PANK2: variants seen among roughly 807,000 people sequenced by gnomAD.
PANK2 encodes pantothenate kinase 2.
A neutral mutation model predicts 43.1 loss-of-function variants in PANK2; 36 were observed. The ratio of observed to expected loss-of-function variants is 0.84; its 90% CI spans 0.64 to 1.10. The LOEUF (loss-of-function observed/expected upper bound fraction) is 1.10. Ranked by LOEUF, PANK2 falls within the 50% of genes least tolerant of loss-of-function variation. PANK2 has a pLI of 0.00. For synonymous variants in PANK2, 281 were observed against 238.2 expected, an observed-to-expected ratio of 1.18 and a Z score of -1.66; for missense variants, 576 against 593.3, an observed-to-expected ratio of 0.97 and a Z score of 0.30.
At chr20:3,902,401 C>A (rs1337416281) in intron 1 of PANK2, among the ~76,000 whole-genome samples, 1 of 151,728 alleles carries the variant, frequency 6.6e-6, no homozygotes, top group Non-Finnish European at 1.5e-5. Context: ...ACAATCTTGG[C>A]TCACTGCGAC....
At chr20:3,894,192 A>G (rs1227145208) in intron 1 of PANK2, among the ~76,000 whole-genome samples, 5 of 151,514 alleles carry the variant, frequency 3.3e-5, no homozygotes, top group African/African-American at 1.2e-4. Context: ...CAGCCTCCCA[A>G]AGTGCTGGGA....
At chr20:3,908,302 C>A (rs986364057) in intron 2 of PANK2, 24 bp downstream of exon 2, 30 of 1,538,332 alleles carry the variant, frequency 2.0e-5, no homozygotes, top group Non-Finnish European at 2.5e-5. Flanking sequence ...AGCTTATATA[C>A]AATTTATGGT....
chr20:3,905,392 C>G (rs904568396), intron 1 of PANK2, among the ~76,000 whole-genome samples: 1 of 150,476 alleles, frequency 6.6e-6, no homozygotes, highest in Non-Finnish European at 1.5e-5. Flanking sequence ...GCTCTGTCAC[C>G]TAGGCTGGAG....
intron 1 of PANK2, among the ~76,000 whole-genome samples, chr20:3,892,322 T>G (rs1355668702): frequency 7.0e-6 from 1 of 142,310 alleles, no homozygotes; most frequent in Non-Finnish European, 1.5e-5. Context: ...GCAGCCTGTA[T>G]GATACAGTGA....
intron 4 of PANK2, among the ~76,000 whole-genome samples, chr20:3,913,200 A>T (rs6139235): frequency 6.6e-6 from 1 of 151,366 alleles, no homozygotes; most frequent in Non-Finnish European, 1.5e-5. Flanking sequence ...TTTATTTTCA[A>T]TGTAGGTTTG....
At chr20:3,899,820 G>A (rs540797318) in intron 1 of PANK2, among the ~76,000 whole-genome samples, 7 of 147,596 alleles carry the variant, frequency 4.7e-5, no homozygotes, top group Middle Eastern at 3.6e-3. Flanking sequence ...CCATTCTCCT[G>A]CCTCAGCCTC....
At chr20:3,896,686 A>G (rs2090215073) in intron 1 of PANK2, among the ~76,000 whole-genome samples, 1 of 152,104 alleles carries the variant, frequency 6.6e-6, no homozygotes, top group African/African-American at 2.4e-5. Context: ...GCCTCCATTA[A>G]AAACCCAGGA....
upstream of PANK2, chr20:3,889,317 C>T: frequency 6.3e-7 from 1 of 1,593,724 alleles, no homozygotes; most frequent in South Asian, 1.1e-5. Context: ...TGGGCCGTCC[C>T]CAGCCTCGTC....
intron 3 of PANK2, among the ~76,000 whole-genome samples, chr20:3,912,168 C>G (rs1002972216): frequency 3.4e-4 from 52 of 152,040 alleles, no homozygotes; most frequent in African/African-American, 1.2e-3. Context: ...TTAGCATGGC[C>G]CCAGGCGTGT....
chr20:3,889,022 A>G (rs2090059929), upstream of PANK2: 15 of 1,172,500 alleles, frequency 1.3e-5, no homozygotes, highest in Non-Finnish European at 2.3e-6. Context: ...GCGGGGTGGG[A>G]CTCGGGGTCG....
In PANK2 at chr20:3,916,979, C is replaced by A; in HGVS notation, c.1135C>A (p.Leu379Met). 6.2e-7 allele frequency: 1 copy of A among 1,614,060 alleles called. No homozygotes were observed. The highest frequency in any genetic ancestry group is 1.1e-5 in the South Asian group (1 of 91,082). ...GCGAGAGGCTGTCAGTAAAGAGGAC[C>A]TGGCCAGAGCGACTTTGATCACCAT... Residue 379 changes from leucine (L) to methionine (M), a missense_variant, in exon 5 of 7, where the codon CTG becomes ATG. This residue lies in a region of PANK2 where 544 missense variants were observed against 528.9 expected (regional missense o/e 1.03). Coordinates refer to ENST00000610179, the MANE Select transcript of PANK2 (RefSeq NM_001386393.1).
At chr20:3,894,427 A>G (rs973424908) in intron 1 of PANK2, among the ~76,000 whole-genome samples, 3 of 149,960 alleles carry the variant, frequency 2.0e-5, no homozygotes, top group African/African-American at 4.9e-5. Flanking sequence ...TTTAGTAGAG[A>G]CAAGGTTTCT....
upstream of PANK2, chr20:3,889,324 C>T (rs868266056): frequency 6.3e-6 from 10 of 1,590,792 alleles, no homozygotes; most frequent in Middle Eastern, 5.0e-4. Context: ...TCCCCAGCCT[C>T]GTCGGATTGG....
chr20:3,895,929 A>G lies in PANK2; in HGVS notation c.298+6201A>G, dbSNP rs1391645955. On this transcript the variant is annotated intron_variant, in intron 1 of 6. Coordinates refer to ENST00000610179, the MANE Select transcript of PANK2 (RefSeq NM_001386393.1). ...AATAATTATTAAAGTACCTCTTTCAATGTTAGGCCAAGATATTGCTTTCCT... is the reference window on the plus strand; with the variant it reads ...AATAATTATTAAAGTACCTCTTTCAGTGTTAGGCCAAGATATTGCTTTCCT... Among the ~76,000 whole-genome samples, 9 of 152,324 alleles carry G rather than the reference A, an allele frequency of 5.9e-5. No individual in the cohort carries two copies. The East Asian group carries it at 7.7e-4, about 13-fold the overall frequency.
At chr20:3,905,151 A>G (rs73574276) in intron 1 of PANK2, among the ~76,000 whole-genome samples, 2 of 105,812 alleles carry the variant, frequency 1.9e-5, no homozygotes, top group African/African-American at 3.1e-5. Flanking sequence ...ACATTTCCCC[A>G]CCATCGCTTG....
chr20:3,889,835 C>G (rs1313668304), intron 1 of PANK2, 107 bp downstream of exon 1: 4 of 1,537,012 alleles, frequency 2.6e-6, no homozygotes, highest in South Asian at 2.4e-5. Context: ...GACACTGTCC[C>G]CGCACGGTGG....
At position 3,918,812 on chromosome 20, in the gene PANK2, C is replaced by A. The variant is rs142997448; in HGVS notation, c.1332+16C>A. 443 of 1,614,022 alleles carry A rather than the reference C, an allele frequency of 2.7e-4. 4 individuals are homozygous for A. In the African/African-American group the frequency reaches 5.1e-3, roughly 19 times the overall value. ...GGAACACGAGGTAAGCTGACTTGTT[C>A]GTTGTGGTATATTATGTACACAGAG... On this transcript the variant is annotated intron_variant, in intron 6 of 6. Transcript: ENST00000610179.
intron 1 of PANK2, among the ~76,000 whole-genome samples, chr20:3,900,683 T>C (rs2090286639): frequency 6.6e-6 from 1 of 152,030 alleles, no homozygotes; most frequent in Non-Finnish European, 1.5e-5. Context: ...CTCACAGAAT[T>C]TCCTCTTCAG....
intron 1 of PANK2, chr20:3,889,971 C>G: frequency 6.7e-7 from 1 of 1,490,698 alleles, no homozygotes. Flanking sequence ...GGGCTTTTCC[C>G]CAGGACCTGT....
Sources: gnomAD v4.1 joint callset for allele counts (sites outside exome capture counted in the v4.1 genomes callset) on GRCh38, gnomAD v4.1.1 for gene constraint, gnomAD v4.1.1 regional missense constraint, MANE v1.5 for transcripts, NCBI Gene and HGNC (gene_info 2026-07-23, HGNC 2026-07-21) for gene names.